The following PTPN11 variants were observed in gnomAD, a reference collection of about 807,000 sequenced individuals.
PTPN11 encodes protein tyrosine phosphatase non-receptor type 11, also known as tyrosine-protein phosphatase non-receptor type 11.
Under a neutral mutation model 78.8 loss-of-function variants are expected in PTPN11, and 6 were observed. The observed-to-expected ratio is 0.08, with a 90% CI of 0.04 to 0.15. The LOEUF (loss-of-function observed/expected upper bound fraction) is 0.15. PTPN11 is among the 10% of genes least tolerant of loss of function. The probability of loss-of-function intolerance (pLI) is 1.00; values close to 1 mark genes in which losing one functional copy is unlikely to be tolerated. For synonymous variants in PTPN11, 221 were observed against 263.5 expected (o/e 0.84, Z 1.56); for missense variants, 386 against 744.8 (o/e 0.52, Z 5.61).
chr12:112,419,371 G>C (rs965232903), intron 1 of PTPN11, among the ~76,000 whole-genome samples: 2 of 152,196 alleles, frequency 1.3e-5, no homozygotes, highest in Non-Finnish European at 2.9e-5. Flanking sequence ...CCCCGGGGAT[G>C]CCCGTCAGGC....
chr12:112,453,135 G>A (rs2038101153), intron 3 of PTPN11, 60 bp from the exon 4 acceptor site: 1 of 1,455,118 alleles, frequency 6.9e-7, no homozygotes, highest in African/African-American at 1.4e-5. Context: ...GTAGTTTTGT[G>A]AAAGAACAAC....
chr12:112,501,995 T>G (rs924055755), intron 13 of PTPN11, 149 bp from the exon 14 acceptor site: 24 of 669,258 alleles, frequency 3.6e-5, no homozygotes, highest in African/African-American at 5.4e-5. Context: ...CCCCTAACAA[T>G]TTGGTCAATG....
chr12:112,452,554 G>T (rs1456972920), intron 3 of PTPN11, among the ~76,000 whole-genome samples: 2 of 150,096 alleles, frequency 1.3e-5, no homozygotes, highest in African/African-American at 2.5e-5. Flanking sequence ...TTGAGACAGG[G>T]TCTTGCTCTG....
At chr12:112,496,815 C>G (rs369128429) in intron 13 of PTPN11, among the ~76,000 whole-genome samples, 15 of 152,192 alleles carry the variant, frequency 9.9e-5, no homozygotes, top group African/African-American at 3.6e-4. Context: ...GGTAGCGTCT[C>G]TACACTTCAG....
chr12:112,461,950 T>A (rs929577474), intron 6 of PTPN11, among the ~76,000 whole-genome samples: 10 of 152,248 alleles, frequency 6.6e-5, no homozygotes, highest in Non-Finnish European at 1.5e-4. Flanking sequence ...ATTTGTTTTA[T>A]CCCACATTAC....
intron 3 of PTPN11, among the ~76,000 whole-genome samples, chr12:112,451,859 C>A (rs2038082910): frequency 1.3e-5 from 2 of 152,246 alleles, no homozygotes; most frequent in Admixed American, 1.3e-4. Flanking sequence ...GTCTCTGTTA[C>A]AACTTTTTCT....
intron 6 of PTPN11, among the ~76,000 whole-genome samples, chr12:112,458,766 G>C (rs1381571433): frequency 6.6e-6 from 1 of 152,188 alleles, no homozygotes; most frequent in Non-Finnish European, 1.5e-5. Context: ...GGGCGTAGTG[G>C]CTACTCCTGT....
intron 13 of PTPN11, 27 bp downstream of exon 13, chr12:112,489,202 A>G (rs777648168): frequency 8.1e-6 from 13 of 1,611,098 alleles, no homozygotes; most frequent in East Asian, 2.2e-5. Flanking sequence ...TGGCATGCGG[A>G]TTCTCATTCT....
intron 1 of PTPN11, among the ~76,000 whole-genome samples, chr12:112,426,088 C>T (rs2037611683): frequency 6.6e-6 from 1 of 152,186 alleles, no homozygotes; most frequent in Non-Finnish European, 1.5e-5. Flanking sequence ...GAGGGGGATG[C>T]ATAGATAAAA....
intron 10 of PTPN11, among the ~76,000 whole-genome samples, chr12:112,483,229 C>A (rs1395500016): frequency 1.3e-5 from 2 of 150,862 alleles, no homozygotes; most frequent in African/African-American, 4.9e-5. Flanking sequence ...GTTCTGTCAC[C>A]CAGACTGGAG....
chr12:112,481,744 G>T (rs1381642993), intron 9 of PTPN11, among the ~76,000 whole-genome samples: 1 of 152,162 alleles, frequency 6.6e-6, no homozygotes, highest in East Asian at 1.9e-4. Context: ...TGCCCGCCTC[G>T]GCCACCCGAA....
chr12:112,478,933 A>G, intron 9 of PTPN11, among the ~76,000 whole-genome samples: 1 of 152,048 alleles, frequency 6.6e-6, no homozygotes, highest in Admixed American at 6.6e-5. Context: ...GGGTTTTGCC[A>G]TGTTGGCCAG....
At chr12:112,491,807 G>A (rs2038748144) in intron 13 of PTPN11, among the ~76,000 whole-genome samples, 1 of 152,138 alleles carries the variant, frequency 6.6e-6, no homozygotes, top group Non-Finnish European at 1.5e-5. Flanking sequence ...TTGGGCTCAG[G>A]TGATCCTCCC....
intron 3 of PTPN11, among the ~76,000 whole-genome samples, chr12:112,450,997 A>C (rs1346604930): frequency 1.3e-5 from 2 of 152,148 alleles, no homozygotes; most frequent in African/African-American, 4.8e-5. Context: ...TTATCACCAC[A>C]ATTATGTGAG....
At chr12:112,438,020 G>T (rs1304581136) in intron 1 of PTPN11, among the ~76,000 whole-genome samples, 1 of 152,070 alleles carries the variant, frequency 6.6e-6, no homozygotes, top group Non-Finnish European at 1.5e-5. Flanking sequence ...CTGGAATCAT[G>T]CCCCTTTCCA....
intron 1 of PTPN11, among the ~76,000 whole-genome samples, chr12:112,432,739 G>A (rs1185361986): frequency 6.6e-6 from 1 of 151,722 alleles, no homozygotes; most frequent in Non-Finnish European, 1.5e-5. Context: ...CAGTACTTTG[G>A]TAGGCCAAGG....
rs1287744225 is a variant in PTPN11 at position 112,421,738 on chromosome 12, C to T, written c.14+2613C>T. Among the ~76,000 whole-genome samples the T allele has an allele frequency of 4.6e-5, 7 of 152,088 alleles. No homozygotes were observed. The South Asian group carries it at 1.5e-3, about 32-fold the overall frequency. On this transcript the variant is annotated intron_variant, in intron 1 of 15. Coordinates refer to ENST00000351677, the MANE Select transcript of PTPN11 (RefSeq NM_002834.5). ...GTTTTCCTAGGCTCAATCCATCCCC[C>T]CTCCTCAGCTTTCCGGTTACTGGGG...
chr12:112,492,752 T>C lies in PTPN11; in HGVS notation c.1599+3577T>C, dbSNP rs189223378. ...CAGGATGGTCTTGATCTCCTGACCT[T>C]GTGATCTGCCCGCCTTGGCCTCCCA... On this transcript the variant is annotated intron_variant, in intron 13 of 15. Coordinates refer to ENST00000351677, the MANE Select transcript of PTPN11 (RefSeq NM_002834.5). Among the ~76,000 whole-genome samples, 604 of 152,080 alleles carry C rather than the reference T, an allele frequency of 4.0e-3. 6 individuals are homozygous for C. The highest frequency in any genetic ancestry group is 0.037 in the South Asian group (177 of 4,810).
chr12:112,434,171 T>C (rs1331579321), intron 1 of PTPN11, among the ~76,000 whole-genome samples: 1 of 151,836 alleles, frequency 6.6e-6, no homozygotes, highest in Non-Finnish European at 1.5e-5. Flanking sequence ...TCCCAGCTAC[T>C]CAGGAGGCTG....
Sources: gnomAD v4.1 joint callset for allele counts (sites outside exome capture counted in the v4.1 genomes callset) on GRCh38, gnomAD v4.1.1 for gene constraint, MANE v1.5 for transcripts, NCBI Gene and HGNC (gene_info 2026-07-23, HGNC 2026-07-21) for gene names.